NDUFA7: variants seen among roughly 807,000 people sequenced by gnomAD.
NDUFA7 encodes the protein NADH:ubiquinone oxidoreductase subunit A7, also known as NADH dehydrogenase [ubiquinone] 1 alpha subcomplex subunit 7.
Under a neutral mutation model 14.2 loss-of-function variants are expected in NDUFA7, and 18 were observed. The observed-to-expected ratio is 1.27, with a 90% CI of 0.88 to 1.88. The LOEUF (loss-of-function observed/expected upper bound fraction) is 1.88. Ranked by LOEUF, NDUFA7 falls within the 40% of genes most tolerant of loss-of-function variation. The pLI, the probability that NDUFA7 is intolerant of heterozygous loss-of-function variation, is 0.00. For synonymous variants in NDUFA7, 75 were observed against 62.1 expected (o/e 1.21, Z -0.98); for missense variants, 172 against 147.3 (o/e 1.17, Z -0.87).
chr19:8,313,883 A>G (rs907866647), intron 3 of NDUFA7, among the ~76,000 whole-genome samples: 2 of 152,246 alleles, frequency 1.3e-5, no homozygotes, highest in South Asian at 4.1e-4. Context: ...AGAGTTTACA[A>G]ATATTAATTA....
intron 2 of NDUFA7, among the ~76,000 whole-genome samples, chr19:8,318,047 A>T (rs1970256108): frequency 6.6e-6 from 1 of 152,092 alleles, no homozygotes. Context: ...TTTAATATTA[A>T]AAGCAATATA....
chr19:8,318,009 A>G (rs769008381), intron 2 of NDUFA7, among the ~76,000 whole-genome samples: 9 of 151,826 alleles, frequency 5.9e-5, no homozygotes, highest in African/African-American at 2.2e-4. Context: ...TGTATTTTTT[A>G]AAAATAAGAA....
At chr19:8,312,388 G>A (rs2145390416) in intron 3 of NDUFA7, among the ~76,000 whole-genome samples, 1 of 152,292 alleles carries the variant, frequency 6.6e-6, no homozygotes, top group Middle Eastern at 3.4e-3. Flanking sequence ...ACATCTCTGG[G>A]GGCATGGCAA....
chr19:8,313,814 C>G (rs970071449), intron 3 of NDUFA7, among the ~76,000 whole-genome samples: 3 of 152,236 alleles, frequency 2.0e-5, no homozygotes, highest in African/African-American at 7.2e-5. Flanking sequence ...GGGTCATCAC[C>G]ATCTAACTGG....
chr19:8,320,825 C>A (rs1262368343), intron 2 of NDUFA7, 32 bp downstream of exon 2: 1 of 1,613,442 alleles, frequency 6.2e-7, no homozygotes, highest in Non-Finnish European at 8.5e-7. Flanking sequence ...AGGACAGAGC[C>A]AGAGGCTGGG....
At chr19:8,314,428 A>G (rs1207883110) in intron 3 of NDUFA7, among the ~76,000 whole-genome samples, 2 of 151,428 alleles carry the variant, frequency 1.3e-5, no homozygotes, top group African/African-American at 4.9e-5. Context: ...TAGGATGCAG[A>G]GTCCTGGCTG....
At chr19:8,317,130 C>G (rs1291789282) in intron 2 of NDUFA7, among the ~76,000 whole-genome samples, 1 of 152,300 alleles carries the variant, frequency 6.6e-6, no homozygotes, top group African/African-American at 2.4e-5. Context: ...AGCCTTGGAG[C>G]CTGTCAAGAT....
rs1185772239 is a variant in NDUFA7 at position 8,321,323 on chromosome 19, C to A, written c.36G>T (p.Arg12=). The change falls in exon 1 of 4, where the codon CGG becomes CGT. Residue 12 remains arginine, a synonymous_variant. Transcript: ENST00000301457. Reference sequence around the variant, plus strand: ...CCCCGCGCACCCCGGACGCCCAGTTCCGCAGCCGCTGGATGAGACGGGTGG... The same window carrying A: ...CCCCGCGCACCCCGGACGCCCAGTTACGCAGCCGCTGGATGAGACGGGTGG... ...ASATRLIQRL[R]NWASGHDLQG... is the part of the protein sequence containing the mutation. The A allele has an allele frequency of 2.5e-6, 4 of 1,578,866 alleles. No homozygotes were observed. The South Asian group carries it at 3.5e-5, about 14-fold the overall frequency.
intron 3 of NDUFA7, 72 bp downstream of exon 3, chr19:8,316,424 A>C: frequency 6.3e-7 from 1 of 1,576,066 alleles, no homozygotes; most frequent in South Asian, 1.2e-5. Context: ...CACCCTTTCC[A>C]CAAGTTGGGA....
downstream of NDUFA7, among the ~76,000 whole-genome samples, chr19:8,309,243 G>A (rs904366134): frequency 6.6e-6 from 1 of 152,118 alleles, no homozygotes; most frequent in Non-Finnish European, 1.5e-5. Context: ...GGGAGGCCGA[G>A]GCAGGCGGAT....
At position 8,316,557 on chromosome 19, in the gene NDUFA7, C is replaced by T. The variant is rs200409749; in HGVS notation, c.190G>A (p.Val64Met). Residue 64 changes from valine to methionine, a missense_variant, in exon 3 of 4, where the codon GTG becomes ATG. Coordinates refer to ENST00000301457, the MANE Select transcript of NDUFA7 (RefSeq NM_005001.5). ...GACGACATGATGATGGAAGGGGGCA[C>T]AGATTCCCGGCGGCCATCGCGAGTG... ...YCTRDGRRESVPPSIIMSSQK... is the reference protein window; with the variant it reads ...YCTRDGRRESMPPSIIMSSQK... The T allele has an allele frequency of 1.5e-4, 235 of 1,614,008 alleles. No individual in the cohort carries two copies. The highest frequency in any genetic ancestry group is 1.9e-4 in the Non-Finnish European group (224 of 1,180,038).
rs76091804 is a variant in NDUFA7, at chr19:8,316,254, G to A, written c.251+242C>T. ...AGGGGAGGATCACTTCAGCCTAGGC[G>A]TTCAAGGCTGCAGTGAGTGATGATT... On this transcript the variant is annotated intron_variant, in intron 3 of 3. Transcript: ENST00000301457. 1.6e-4 allele frequency among the ~76,000 whole-genome samples: 25 copies of A among 152,046 alleles called. 1 individual carries two copies. In the East Asian group the frequency reaches 4.3e-3, roughly 26 times the overall value.
intron 3 of NDUFA7, among the ~76,000 whole-genome samples, chr19:8,311,932 C>A (rs79019255): frequency 0.01 from 1,543 of 152,312 alleles, 31 homozygotes; most frequent in African/African-American, 0.036. Context: ...TTCCTGCTGC[C>A]CCTCAAAACA....
In NDUFA7 at chr19:8,315,790, T is replaced by C. The variant is rs1331034416; in HGVS notation, c.251+706A>G. Among the ~76,000 whole-genome samples, 3 of 151,990 alleles carry C rather than the reference T, an allele frequency of 2.0e-5. No individual in the cohort carries two copies. In the East Asian group the frequency reaches 5.8e-4, roughly 29 times the overall value. On this transcript the variant is annotated intron_variant, in intron 3 of 3. Transcript: ENST00000301457. ...CCACCTAACGAGGAACACCCACAGG[T>C]GTGGAGGGGCAACCCACCCCTTCAG...
chr19:8,320,567 A>T (rs1970290401), intron 2 of NDUFA7, among the ~76,000 whole-genome samples: 1 of 152,116 alleles, frequency 6.6e-6, no homozygotes, highest in Middle Eastern at 3.4e-3. Context: ...GCCTCTCTGG[A>T]CCTCTTTTTT....
chr19:8,309,262 C>T (rs1375875654), downstream of NDUFA7, among the ~76,000 whole-genome samples: 1 of 152,092 alleles, frequency 6.6e-6, no homozygotes, highest in East Asian at 1.9e-4. Context: ...ATCACGAGGT[C>T]AGGAGTTCTA....
At chr19:8,316,994 G>T (rs767023222) in intron 2 of NDUFA7, among the ~76,000 whole-genome samples, 1 of 152,136 alleles carries the variant, frequency 6.6e-6, no homozygotes, top group Non-Finnish European at 1.5e-5. Flanking sequence ...AGCCTCACTT[G>T]ACTTTGTCCA....
Position 8,311,435 on chromosome 19 carries a change from A to T in NDUFA7, c.*70T>A, listed in dbSNP as rs535674679. 7 of 1,256,370 alleles carry T rather than the reference A, an allele frequency of 5.6e-6. No homozygotes were observed. Among genetic ancestry groups the T allele is most frequent in the Non-Finnish European group, 6.7e-6 (6 of 891,576 alleles). The allele number at this position is 1,256,370 out of a possible 1,614,324, so 77.8% of individuals were successfully genotyped here. A position where few individuals can be genotyped will look rare whatever the true frequency, so the allele number is the denominator to read the frequency against. On this transcript the variant is annotated 3_prime_UTR_variant, in exon 4 of 4. Coordinates refer to ENST00000301457, the MANE Select transcript of NDUFA7 (RefSeq NM_005001.5). Reference sequence around the variant, plus strand: ...ACCTGAGCTCTACGTATTTGTCATAAATTAGGTCACATTCTCCCTGGAGGA... The same window carrying T: ...ACCTGAGCTCTACGTATTTGTCATATATTAGGTCACATTCTCCCTGGAGGA...
At chr19:8,320,034 G>A (rs1970283207) in intron 2 of NDUFA7, among the ~76,000 whole-genome samples, 1 of 151,942 alleles carries the variant, frequency 6.6e-6, no homozygotes, top group South Asian at 2.1e-4. Flanking sequence ...CTAGTAGAGA[G>A]GGGGTTTTAC....
Sources: gnomAD v4.1 joint callset for allele counts (sites outside exome capture counted in the v4.1 genomes callset) on GRCh38, gnomAD v4.1.1 for gene constraint, MANE v1.5 for transcripts, NCBI Gene and HGNC (gene_info 2026-07-23, HGNC 2026-07-21) for gene names.